FOXK2: variants seen among roughly 807,000 people sequenced by gnomAD.
FOXK2 encodes forkhead box K2.
In FOXK2, 24 loss-of-function variants were observed where a neutral mutation model predicts 53.3. The ratio of observed to expected loss-of-function variants is 0.45; its 90% CI spans 0.33 to 0.63. The LOEUF is 0.63. Ranked by LOEUF, FOXK2 falls within the 30% of genes least tolerant of loss-of-function variation. FOXK2 has a pLI of 0.03. For missense variants in FOXK2, 952 were observed against 910.5 expected (o/e 1.05, Z -0.59); for synonymous variants, 505 against 407.1 (o/e 1.24, Z -2.89).
At chr17:82,532,170 G>GT (rs1364437414) in intron 1 of FOXK2, among the ~76,000 whole-genome samples, 1 of 149,624 alleles carries the variant, frequency 6.7e-6, no homozygotes, top group Non-Finnish European at 1.5e-5. Context: ...TTGAGATGGA[G>GT]TTTCGCTCTT....
At position 82,587,712 on chromosome 17, in the gene FOXK2, G is replaced by A. The variant is rs117607331; in HGVS notation, c.1786+440G>A. 4.1e-4 allele frequency: 109 copies of A among 265,058 alleles called. No homozygotes were observed. In the East Asian group the frequency reaches 5.7e-3, roughly 14 times the overall value. The allele number at this position is 265,058 out of a possible 1,614,324, so 16.4% of individuals were successfully genotyped here. On this transcript the variant is annotated intron_variant, in intron 8 of 8. Coordinates refer to ENST00000335255, the MANE Select transcript of FOXK2 (RefSeq NM_004514.4). ...GTCCGAGGCCGGTGCACAGAAAACC[G>A]CACGGATGTTCTGACATTGACAAGT...
At position 82,568,090 on chromosome 17, in the gene FOXK2, G is replaced by A. The variant is rs778588122; in HGVS notation, c.651G>A (p.Ala217=). ...ANSCPSSPRG[A]GSSGYKVGRV... Reference sequence around the variant, plus strand: ...CCTGCCCCTCCAGCCCCCGGGGAGCGGGGTCTTCAGGGTACAAGGTGGGCC... The same window carrying A: ...CCTGCCCCTCCAGCCCCCGGGGAGCAGGGTCTTCAGGGTACAAGGTGGGCC... Residue 217 remains alanine (A), a synonymous_variant, in exon 3 of 9, where the codon GCG becomes GCA. Transcript: ENST00000335255. 42 of 1,612,018 alleles carry A rather than the reference G, an allele frequency of 2.6e-5. No homozygotes were observed. The highest frequency in any genetic ancestry group is 1.5e-4 in the Admixed American group (9 of 59,190).
chr17:82,529,856 A>G (rs1226672156), intron 1 of FOXK2, among the ~76,000 whole-genome samples: 2 of 152,194 alleles, frequency 1.3e-5, no homozygotes, highest in South Asian at 2.1e-4. Context: ...GTAGCCTAAC[A>G]TTGTTACGTT....
At chr17:82,533,192 A>G (rs2044488699) in intron 1 of FOXK2, among the ~76,000 whole-genome samples, 1 of 152,188 alleles carries the variant, frequency 6.6e-6, no homozygotes, top group African/African-American at 2.4e-5. Context: ...TAAATTAACG[A>G]TAAAATGTAT....
intron 1 of FOXK2, among the ~76,000 whole-genome samples, chr17:82,541,276 A>AG (rs907458227): frequency 4.0e-4 from 57 of 141,680 alleles, no homozygotes; most frequent in African/African-American, 1.4e-3. Context: ...AATGATTTAC[A>AG]GTTTTTTTTT....
At chr17:82,569,659 C>T (rs1442388293) in intron 3 of FOXK2, among the ~76,000 whole-genome samples, 1 of 152,114 alleles carries the variant, frequency 6.6e-6, no homozygotes, top group Non-Finnish European at 1.5e-5. Flanking sequence ...AGAAAAAAAT[C>T]ACAGGGAAGT....
intron 4 of FOXK2, 124 bp from the exon 5 acceptor site, chr17:82,582,617 C>T (rs2045077746): frequency 2.8e-6 from 2 of 723,440 alleles, no homozygotes; most frequent in East Asian, 5.8e-5. Context: ...AAAAAAAATT[C>T]ACTCTTGCAG....
Position 82,571,843 on chromosome 17 carries a change from C to T in FOXK2, c.882C>T (p.Tyr294=). ...CACACATCACTAAAAATTATCCCTA[C>T]TACAGGACTGCGGACAAGGGCTGGC... ...IYTHITKNYP[Y]YRTADKGWQN... The change falls in exon 4 of 9, where the codon TAC becomes TAT. Residue 294 remains tyrosine, a synonymous_variant. Transcript: ENST00000335255. 6 of 1,587,872 alleles carry T rather than the reference C, an allele frequency of 3.8e-6. No homozygotes were observed. Among genetic ancestry groups the T allele is most frequent in the Non-Finnish European group, 5.1e-6 (6 of 1,170,328 alleles).
At chr17:82,599,255 G>A (rs890420462) in intron 8 of FOXK2, 1 of 152,044 alleles carries the variant, frequency 6.6e-6, no homozygotes, top group Middle Eastern at 3.4e-3. Flanking sequence ...CCACCACCTT[G>A]CCCGGCTAAT....
At chr17:82,589,201 T>A (rs748398153) in intron 8 of FOXK2, among the ~76,000 whole-genome samples, 3 of 152,220 alleles carry the variant, frequency 2.0e-5, no homozygotes, top group Non-Finnish European at 2.9e-5. Context: ...ATTTTCAGTG[T>A]ACTACTGGAC....
At chr17:82,566,119 A>G (rs190971485) in intron 2 of FOXK2, among the ~76,000 whole-genome samples, 13 of 152,202 alleles carry the variant, frequency 8.5e-5, no homozygotes, top group African/African-American at 3.1e-4. Flanking sequence ...AGTTTGGGAA[A>G]TGAGAACATT....
chr17:82,585,069 C>T (rs1388176436), intron 6 of FOXK2, among the ~76,000 whole-genome samples: 1 of 152,248 alleles, frequency 6.6e-6, no homozygotes, highest in Non-Finnish European at 1.5e-5. Flanking sequence ...GGCGGTGGCC[C>T]CTGACAGCCA....
intron 3 of FOXK2, 27 bp downstream of exon 3, chr17:82,568,228 C>A: frequency 6.2e-7 from 1 of 1,610,668 alleles, no homozygotes. Flanking sequence ...CTTGAAGCAG[C>A]CCCTGGGGGA....
chr17:82,568,338 T>C, intron 3 of FOXK2, 137 bp downstream of exon 3: 1 of 1,037,704 alleles, frequency 9.6e-7, no homozygotes, highest in Non-Finnish European at 1.4e-6. Flanking sequence ...TGGGCTTGAT[T>C]CTGGTGTTGC....
chr17:82,575,169 A>G (rs1598221079), intron 4 of FOXK2, among the ~76,000 whole-genome samples: 1 of 152,208 alleles, frequency 6.6e-6, no homozygotes, highest in African/African-American at 2.4e-5. Context: ...AAAGCAGCAA[A>G]CAGCCAGTAA....
In FOXK2 at chr17:82,559,181, A is replaced by G. The variant is rs141485052; in HGVS notation, c.420-4173A>G. Among the ~76,000 whole-genome samples the G allele has an allele frequency of 1.4e-4, 21 of 152,300 alleles. No individual in the cohort carries two copies. The East Asian group carries it at 3.7e-3, about 27-fold the overall frequency. On this transcript the variant is annotated intron_variant, in intron 1 of 8. Coordinates refer to ENST00000335255, the MANE Select transcript of FOXK2 (RefSeq NM_004514.4). Reference sequence around the variant, plus strand: ...AGTGCTGGGATGACAGGCGTGAGCTACTGAGCCTGGCTTAGTAGTACAGTG... The same window carrying G: ...AGTGCTGGGATGACAGGCGTGAGCTGCTGAGCCTGGCTTAGTAGTACAGTG...
chr17:82,557,426 C>A lies in FOXK2; in HGVS notation c.420-5928C>A, dbSNP rs572455398. 7.9e-5 allele frequency among the ~76,000 whole-genome samples: 12 copies of A among 152,212 alleles called. No homozygotes were observed. In the East Asian group the frequency reaches 2.3e-3, roughly 29 times the overall value. On this transcript the variant is annotated intron_variant, in intron 1 of 8. Coordinates refer to ENST00000335255, the MANE Select transcript of FOXK2 (RefSeq NM_004514.4). Reference sequence around the variant, plus strand: ...TGGCACAATCTCAGTTCACTGCAACCTCCGCTCCCCAGGTTCAAGCGATTC... The same window carrying A: ...TGGCACAATCTCAGTTCACTGCAACATCCGCTCCCCAGGTTCAAGCGATTC...
intron 8 of FOXK2, 190 bp downstream of exon 8, chr17:82,587,462 T>C (rs2045200106): frequency 3.3e-6 from 2 of 608,260 alleles, no homozygotes; most frequent in South Asian, 1.9e-5. Context: ...GGGATTCCCG[T>C]GGGAGGACCT....
intron 7 of FOXK2, among the ~76,000 whole-genome samples, chr17:82,586,700 G>T (rs1051759227): frequency 6.6e-6 from 1 of 152,046 alleles, no homozygotes; most frequent in Non-Finnish European, 1.5e-5. Context: ...TTAGGAGTTG[G>T]AGACCAGCCT....
Sources: gnomAD v4.1 joint callset for allele counts (sites outside exome capture counted in the v4.1 genomes callset) on GRCh38, gnomAD v4.1.1 for gene constraint, MANE v1.5 for transcripts, NCBI Gene and HGNC (gene_info 2026-07-23, HGNC 2026-07-21) for gene names.